RINT1: variants seen among roughly 807,000 people sequenced by gnomAD.
The protein encoded by RINT1 is RAD50-interacting protein 1.
A neutral mutation model predicts 97.7 loss-of-function variants in RINT1; 75 were observed. The ratio of observed to expected loss-of-function variants is 0.77; its 90% CI spans 0.64 to 0.93. The LOEUF (loss-of-function observed/expected upper bound fraction) is 0.93, where lower values mean the gene tolerates loss of function less well. RINT1 is among the 40% of genes least tolerant of loss of function. The pLI is 0.00. For synonymous variants in RINT1, 303 were observed against 326.3 expected (o/e 0.93, Z 0.77); for missense variants, 892 against 925.2 (o/e 0.96, Z 0.47).
intron 7 of RINT1, 90 bp from the exon 8 acceptor site, chr7:105,549,965 G>A: frequency 1.3e-6 from 1 of 775,734 alleles, no homozygotes; most frequent in East Asian, 2.6e-5. Flanking sequence ...TTTTATAAGT[G>A]TTGTGCATAT....
intron 4 of RINT1, 29 bp downstream of exon 4, chr7:105,542,678 T>TA: frequency 6.2e-7 from 1 of 1,605,982 alleles, no homozygotes. Context: ...TTCTCACAAT[T>TA]ACTATTTTCC....
intron 11 of RINT1, 74 bp from the exon 12 acceptor site, chr7:105,563,659 G>T (rs1791544781): frequency 1.6e-6 from 2 of 1,242,658 alleles, no homozygotes; most frequent in African/African-American, 3.0e-5. Context: ...TGGGTGAATT[G>T]TATGACATAT....
At chr7:105,538,185 G>T (rs1790321805) in intron 3 of RINT1, among the ~76,000 whole-genome samples, 1 of 151,954 alleles carries the variant, frequency 6.6e-6, no homozygotes, top group Non-Finnish European at 1.5e-5. Context: ...TAGAGACAGG[G>T]TTTCACCACT....
rs535889267 is a variant in RINT1 at position 105,555,077 on chromosome 7, G to T, written c.1521G>T (p.Glu507Asp). The change falls in exon 11 of 15, where the codon GAG (glutamate) becomes GAT (aspartate). Residue 507 changes from glutamate to aspartate, a missense_variant. Glu to Asp is a conservative substitution (Grantham distance 45). Transcript: ENST00000257700. ...PTASRKLQFL[E>D]LQKDLVDDFR... ...CTTCCCGAAAGCTTCAGTTCCTGGA[G>T]TTACAGAAGGACTTAGTAGATGATT... 115 of 1,613,986 alleles carry T rather than the reference G, an allele frequency of 7.1e-5. No homozygotes were observed. In the South Asian group the frequency reaches 1.2e-3, roughly 17 times the overall value.
rs1790141551 is a variant in RINT1 at position 105,534,243 on chromosome 7, AT to A, written c.88+1379del. 2.6e-5 allele frequency among the ~76,000 whole-genome samples: 4 copies of A among 151,984 alleles called. No individual in the cohort carries two copies. The South Asian group carries it at 8.3e-4, about 31-fold the overall frequency. ...CGCCAAACACCCGGCTAATTTTTGT[AT>A]TTTTAGTAGAGGCAGGGTTTCACCA... On this transcript the variant is annotated intron_variant, in intron 2 of 14. Coordinates refer to ENST00000257700, the MANE Select transcript of RINT1 (RefSeq NM_021930.6).
chr7:105,557,505 A>G (rs1791234293), intron 11 of RINT1, among the ~76,000 whole-genome samples: 1 of 152,160 alleles, frequency 6.6e-6, no homozygotes, highest in African/African-American at 2.4e-5. Context: ...ATATTCAAAC[A>G]TGGACATGTA....
intron 1 of RINT1, 44 bp from the exon 2 acceptor site, chr7:105,532,780 C>T (rs201349178): frequency 3.1e-6 from 5 of 1,606,130 alleles, no homozygotes; most frequent in African/African-American, 1.3e-5. Context: ...TTTCCATCCA[C>T]GACTTTAATC....
intron 5 of RINT1, 38 bp downstream of exon 5, chr7:105,547,121 C>T (rs144559075): frequency 4.4e-4 from 713 of 1,612,634 alleles, no homozygotes; most frequent in Non-Finnish European, 5.7e-4. Flanking sequence ...AATTGCTTTC[C>T]GATGGGTATT....
At chr7:105,543,696 C>T (rs1790549115) in intron 4 of RINT1, among the ~76,000 whole-genome samples, 2 of 152,160 alleles carry the variant, frequency 1.3e-5, no homozygotes, top group Non-Finnish European at 2.9e-5. Flanking sequence ...AGTTAATAAA[C>T]CTGATATTAC....
chr7:105,558,293 C>CAAAA (rs11345013), intron 11 of RINT1, among the ~76,000 whole-genome samples: 6 of 139,208 alleles, frequency 4.3e-5, no homozygotes, highest in South Asian at 2.3e-4. Context: ...AAAACAGTCT[C>CAAAA]AAAAAAAAAA....
intron 6 of RINT1, 97 bp downstream of exon 6, chr7:105,547,430 C>A: frequency 1.6e-6 from 2 of 1,216,766 alleles, no homozygotes; most frequent in Non-Finnish European, 2.3e-6. Context: ...CCAAGAAAGC[C>A]AAATAAGAAT....
At chr7:105,566,078 G>A (rs1286072804) in intron 14 of RINT1, among the ~76,000 whole-genome samples, 1 of 151,294 alleles carries the variant, frequency 6.6e-6, no homozygotes, top group Non-Finnish European at 1.5e-5. Context: ...GACCATCCTG[G>A]CTAACATAGT....
At position 105,565,364 on chromosome 7, in the gene RINT1, T is replaced by A; in HGVS notation, c.1974T>A (p.His658Gln). Reference sequence around the variant, plus strand: ...CGTTGCTGCTGACGTTACGAGACCATTTACTTCAGTTGGAGCAGCAGCTTT... The same window carrying A: ...CGTTGCTGCTGACGTTACGAGACCAATTACTTCAGTTGGAGCAGCAGCTTT... The part of the protein sequence containing the change: ...ACPLLLTLRD[H>Q]LLQLEQQLCF... The change falls in exon 13 of 15, where the codon CAT (histidine) becomes CAA (glutamine). Residue 658 changes from histidine to glutamine, a missense_variant. Transcript: ENST00000257700. 2 of 1,614,210 alleles carry A rather than the reference T, an allele frequency of 1.2e-6. No homozygotes were observed. The highest frequency in any genetic ancestry group is 1.7e-6 in the Non-Finnish European group (2 of 1,180,024).
intron 2 of RINT1, among the ~76,000 whole-genome samples, chr7:105,533,985 T>C (rs989864416): frequency 2.0e-5 from 3 of 152,046 alleles, no homozygotes; most frequent in Non-Finnish European, 2.9e-5. Flanking sequence ...CATAAAAACC[T>C]CCCAAACCAC....
intron 10 of RINT1, 50 bp downstream of exon 10, chr7:105,551,757 C>A: frequency 6.7e-7 from 1 of 1,494,832 alleles, no homozygotes. Context: ...ACTGTTTTCA[C>A]GTGGTAGTTT....
intron 11 of RINT1, among the ~76,000 whole-genome samples, chr7:105,562,267 CTGAGA>C (rs1244999019): frequency 6.6e-6 from 1 of 152,004 alleles, no homozygotes; most frequent in East Asian, 1.9e-4. Flanking sequence ...TTTTTGTTTT[CTGAGA>C]TGAGATCTCG....
chr7:105,549,131 G>GTGCC (rs1790812640), intron 7 of RINT1, among the ~76,000 whole-genome samples: 1 of 151,678 alleles, frequency 6.6e-6, no homozygotes, highest in South Asian at 2.1e-4. Context: ...GGGACTACAG[G>GTGCC]CACATGTCAC....
rs1453721582 is a variant in RINT1, at chr7:105,548,635, G to A, written c.921G>A (p.Gln307=). Residue 307 remains glutamine (Q), a synonymous_variant, in exon 7 of 15, where the codon CAG becomes CAA. Transcript: ENST00000257700. The part of the protein sequence containing the change: ...PASPSVILPI[Q]VMLTPLQKRF... ...CCCCTTCTGTCATCCTGCCCATCCA[G>A]GTTATGCTGACTCCTCTTCAGAAGA... 1 of 1,614,124 alleles carries A rather than the reference G, an allele frequency of 6.2e-7. No individual in the cohort carries two copies. Among genetic ancestry groups the A allele is most frequent in the South Asian group, 1.1e-5 (1 of 91,080 alleles).
intron 2 of RINT1, among the ~76,000 whole-genome samples, chr7:105,534,211 T>C (rs1001426393): frequency 1.8e-4 from 28 of 152,104 alleles, no homozygotes; most frequent in African/African-American, 6.8e-4. Flanking sequence ...CTGGGATTAC[T>C]GGTGCCCGCC....
Sources: gnomAD v4.1 joint callset for allele counts (sites outside exome capture counted in the v4.1 genomes callset) on GRCh38, gnomAD v4.1.1 for gene constraint, MANE v1.5 for transcripts, NCBI Gene and HGNC (gene_info 2026-07-23, HGNC 2026-07-21) for gene names.